MYO16: variants seen among roughly 807,000 people sequenced by gnomAD.
The protein encoded by MYO16 is unconventional myosin-XVI.
In MYO16, 94 loss-of-function variants were observed where a neutral mutation model predicts 205.3. The ratio of observed to expected loss-of-function variants is 0.46; its 90% CI spans 0.39 to 0.54. The LOEUF is 0.54. Ranked by LOEUF, MYO16 falls within the 20% of genes least tolerant of loss-of-function variation. The pLI is 0.00. For synonymous variants in MYO16, 988 were observed against 954.0 expected, an observed-to-expected ratio of 1.04 and a Z score of -0.66; for missense variants, 2,315 against 2,387.5, an observed-to-expected ratio of 0.97 and a Z score of 0.63.
intron 34 of MYO16, among the ~76,000 whole-genome samples, chr13:109,184,963 C>T (rs1206553958): frequency 3.3e-5 from 5 of 152,108 alleles, no homozygotes; most frequent in East Asian, 1.9e-4. Flanking sequence ...TCAGTAGAGA[C>T]GGGGTTTCAC....
chr13:108,930,613 A>G (rs568700334), intron 16 of MYO16, among the ~76,000 whole-genome samples: 19 of 152,348 alleles, frequency 1.2e-4, no homozygotes, highest in Admixed American at 3.9e-4. Flanking sequence ...AGTATTTCAC[A>G]CACAAAAAAA....
intron 27 of MYO16, among the ~76,000 whole-genome samples, chr13:109,061,873 C>T (rs1220438638): frequency 6.6e-6 from 1 of 152,098 alleles, no homozygotes; most frequent in Admixed American, 6.6e-5. Flanking sequence ...CTCACTCAGC[C>T]AATAATAGAA....
At chr13:108,557,146 T>C in the MYO16 span, among the ~76,000 whole-genome samples, 2,073 of 152,284 alleles carry the variant, frequency 0.014, 30 homozygotes, top group Middle Eastern at 0.027. Flanking sequence ...AATTTTAGGA[T>C]TGTGTTTTCT....
At chr13:108,531,673 T>G in the MYO16 span, among the ~76,000 whole-genome samples, 1 of 151,480 alleles carries the variant, frequency 6.6e-6, no homozygotes, top group African/African-American at 2.4e-5. Context: ...GAAATGTGAG[T>G]CAGACAGTTG....
At chr13:108,706,277 G>T (rs1179634222) in intron 2 of MYO16, among the ~76,000 whole-genome samples, 1 of 152,088 alleles carries the variant, frequency 6.6e-6, no homozygotes, top group Non-Finnish European at 1.5e-5. Context: ...GGCTGAAAAG[G>T]ATTTCATATT....
intron 21 of MYO16, among the ~76,000 whole-genome samples, chr13:108,996,604 G>A (rs574059781): frequency 5.3e-4 from 81 of 152,304 alleles, no homozygotes; most frequent in African/African-American, 1.9e-3. Context: ...CTTCAAATGA[G>A]TCCACCTTTG....
At chr13:108,970,507 C>T (rs1053756998) in intron 20 of MYO16, among the ~76,000 whole-genome samples, 6 of 152,180 alleles carry the variant, frequency 3.9e-5, no homozygotes, top group Admixed American at 3.9e-4. Flanking sequence ...GAGAGTTCCC[C>T]TCCCTCTCCC....
chr13:108,761,114 C>G (rs907925271), intron 4 of MYO16, among the ~76,000 whole-genome samples: 1 of 152,102 alleles, frequency 6.6e-6, no homozygotes, highest in African/African-American at 2.4e-5. Flanking sequence ...ATAAGGAAAC[C>G]AATAAATGAG....
In MYO16 at chr13:109,144,373, A is replaced by G. The variant is rs1216500565; in HGVS notation, c.5164+2997A>G. On this transcript the variant is annotated intron_variant, in intron 32 of 34. Transcript: ENST00000457511. ...AAATAAGTTTACAAGTTCGGATATC[A>G]TGTTCTCATGGATAGTTCAGGCCAT... Among the ~76,000 whole-genome samples, 3 of 152,156 alleles carry G rather than the reference A, an allele frequency of 2.0e-5. No individual in the cohort carries two copies. In the East Asian group the frequency reaches 5.8e-4, roughly 29 times the overall value.
Position 109,042,541 on chromosome 13 carries a change from C to T in MYO16, c.2797-4375C>T, listed in dbSNP as rs540980380. Among the ~76,000 whole-genome samples, 37 of 152,310 alleles carry T rather than the reference C, an allele frequency of 2.4e-4. No homozygotes were observed. In the South Asian group the frequency reaches 7.7e-3, roughly 32 times the overall value. On this transcript the variant is annotated intron_variant, in intron 23 of 34. Coordinates refer to ENST00000457511, the MANE Select transcript of MYO16 (RefSeq NM_001198950.3). ...ACAACAACAAAACACTGTTTGCAAC[C>T]ATGTGTTAACAATCCACGAATGCCA...
rs1887358185 is a variant in MYO16, at chr13:109,054,784, A to C, written c.3049-262A>C. Among the ~76,000 whole-genome samples, 2 of 152,140 alleles carry C rather than the reference A, an allele frequency of 1.3e-5. 1 individual carries two copies. Among genetic ancestry groups the C allele is most frequent in the South Asian group, 4.1e-4 (2 of 4,826 alleles). On this transcript the variant is annotated intron_variant, in intron 25 of 34. Coordinates refer to ENST00000457511, the MANE Select transcript of MYO16 (RefSeq NM_001198950.3). ...TGTTTTAAATCCACATTTGCCTGTA[A>C]GTGAATGTACATGGATGTGAGACTT...
At chr13:108,815,341 T>C (rs1341926477) in intron 7 of MYO16, among the ~76,000 whole-genome samples, 1 of 152,188 alleles carries the variant, frequency 6.6e-6, no homozygotes, top group Non-Finnish European at 1.5e-5. Context: ...CTAAGGATCA[T>C]CAGCTGGAAA....
chr13:108,843,085 C>A (rs1280483480), intron 9 of MYO16, among the ~76,000 whole-genome samples: 1 of 151,192 alleles, frequency 6.6e-6, no homozygotes, highest in Non-Finnish European at 1.5e-5. Flanking sequence ...CCGTGGCTGC[C>A]AGTTATTGGA....
chr13:109,055,580 C>G lies in MYO16; in HGVS notation c.3320C>G (p.Ser1107Trp). The change falls in exon 27 of 35, where the codon TCG (serine) becomes TGG (tryptophan). Residue 1107 changes from serine to tryptophan, a missense_variant. Ser to Trp is a radical substitution (Grantham distance 177, BLOSUM62 -3). Around this residue, in one of 3 missense-constraint regions of MYO16, gnomAD observed 1,097 missense variants for 1,092.0 expected, o/e 1.00. Coordinates refer to ENST00000457511, the MANE Select transcript of MYO16 (RefSeq NM_001198950.3). This position sits in a 1 kb window ranked among gnomAD's most constrained non-coding sequence, Gnocchi z 5.0. ...GGATACCCTGTTCGCCTTTCCTTCT[C>G]GGATTTCCTGTCAAGGTAAATTCTT... ...RYGYPVRLSF[S>W]DFLSRYKPLA... 1 of 1,610,374 alleles carries G rather than the reference C, an allele frequency of 6.2e-7. No individual in the cohort carries two copies. Among genetic ancestry groups the G allele is most frequent in the Non-Finnish European group, 8.5e-7 (1 of 1,179,066 alleles).
intron 16 of MYO16, among the ~76,000 whole-genome samples, chr13:108,913,745 C>T (rs566474320): frequency 5.3e-5 from 8 of 152,276 alleles, no homozygotes; most frequent in South Asian, 2.1e-4. Context: ...TCCTTGTGGA[C>T]GAACTATAAC....
intron 1 of MYO16, among the ~76,000 whole-genome samples, chr13:108,611,750 A>T (rs751611283): frequency 6.6e-6 from 1 of 152,150 alleles, no homozygotes; most frequent in Non-Finnish European, 1.5e-5. Flanking sequence ...TGAGACTCAG[A>T]GAAGATAAGC....
chr13:109,022,787 T>C (rs1308946433), intron 23 of MYO16, among the ~76,000 whole-genome samples: 1 of 135,656 alleles, frequency 7.4e-6, no homozygotes, highest in African/African-American at 2.7e-5. Context: ...ATATATACAC[T>C]ATGTAAACAT....
At chr13:108,941,129 C>G (rs1882704198) in intron 16 of MYO16, among the ~76,000 whole-genome samples, 2 of 152,244 alleles carry the variant, frequency 1.3e-5, no homozygotes, top group East Asian at 3.9e-4. Flanking sequence ...GAGACACAGG[C>G]TGGAAAGGCT....
chr13:108,688,337 T>C (rs1882761998), intron 2 of MYO16, among the ~76,000 whole-genome samples: 1 of 152,186 alleles, frequency 6.6e-6, no homozygotes, highest in Non-Finnish European at 1.5e-5. Context: ...CTTTCTAAAC[T>C]TTCTCATCGG....
Sources: allele counts gnomAD v4.1 joint callset (sites outside exome capture counted in the v4.1 genomes callset), GRCh38; gene constraint gnomAD v4.1.1; regional missense constraint gnomAD v4.1.1; non-coding constraint Gnocchi (gnomAD v3.1); transcripts MANE v1.5; gene names NCBI Gene and HGNC (gene_info 2026-07-23, HGNC 2026-07-21).